The following UBE2W variants were observed in gnomAD, a reference collection of about 807,000 sequenced individuals.
The protein encoded by UBE2W is ubiquitin-conjugating enzyme E2 W.
Under a neutral mutation model 27.2 loss-of-function variants are expected in UBE2W, and 18 were observed. The observed-to-expected ratio is 0.66, with a 90% CI of 0.46 to 0.98. UBE2W has a LOEUF of 0.98. Ranked by LOEUF, UBE2W falls within the 50% of genes least tolerant of loss-of-function variation. The probability of loss-of-function intolerance (pLI) is 0.00; values close to 1 mark genes in which losing one functional copy is unlikely to be tolerated. For missense variants in UBE2W, 90 were observed against 180.2 expected (o/e 0.50, Z 2.87); for synonymous variants, 53 against 57.2 (o/e 0.93, Z 0.33).
chr8:73,826,821 G>A (rs1015637027), intron 2 of UBE2W, among the ~76,000 whole-genome samples: 2 of 152,146 alleles, frequency 1.3e-5, no homozygotes, highest in Admixed American at 1.3e-4. Flanking sequence ...AGTGTTGTTG[G>A]AAAGATAAAT....
Position 73,793,637 on chromosome 8 carries a change from C to T in UBE2W, c.*465G>A. 1 of 986,656 alleles carries T rather than the reference C, an allele frequency of 1.0e-6. No individual in the cohort carries two copies. The highest frequency in any genetic ancestry group is 1.2e-6 in the Non-Finnish European group (1 of 830,580). The allele number at this position is 986,656 out of a possible 1,614,324, so 61.1% of individuals were successfully genotyped here. A position where few individuals can be genotyped will look rare whatever the true frequency, so the allele number is the denominator to read the frequency against. On this transcript the variant is annotated 3_prime_UTR_variant, in exon 6 of 6. Transcript: ENST00000602593. ...TTTTAAAGTAATGTTGGATCCCTCA[C>T]TTTATTTATATTCCCACTATAACCA... is the stretch of plus-strand genomic sequence containing the variant.
intron 5 of UBE2W, among the ~76,000 whole-genome samples, chr8:73,804,498 T>G (rs990484907): frequency 6.6e-6 from 1 of 151,694 alleles, no homozygotes; most frequent in African/African-American, 2.4e-5. Context: ...ACAAATACAA[T>G]AGAAATTTAA....
chr8:73,843,945 C>T (rs559415490), intron 1 of UBE2W, among the ~76,000 whole-genome samples: 25 of 152,056 alleles, frequency 1.6e-4, no homozygotes, highest in East Asian at 7.7e-4. Context: ...GTCAAGACTG[C>T]GCAACTGCAC....
chr8:73,863,812 G>A (rs1234678699), intron 1 of UBE2W, among the ~76,000 whole-genome samples: 2 of 151,976 alleles, frequency 1.3e-5, no homozygotes, highest in Non-Finnish European at 2.9e-5. Flanking sequence ...GCATTCCAGA[G>A]CAATTAAATC....
intron 4 of UBE2W, 70 bp downstream of exon 4, chr8:73,810,404 C>A: frequency 1.5e-6 from 2 of 1,353,484 alleles, no homozygotes; most frequent in South Asian, 1.4e-5. Flanking sequence ...AAAATAATTA[C>A]ATATTAAAAT....
Position 73,789,002 on chromosome 8 carries a change from G to A in UBE2W, c.*5100C>T. Reference sequence around the variant, plus strand: ...AAAATAGTCATTTAATCATTCTAGAGACTCATCACAAAATACAAGTCACAA... The same window carrying A: ...AAAATAGTCATTTAATCATTCTAGAAACTCATCACAAAATACAAGTCACAA... On this transcript the variant is annotated 3_prime_UTR_variant, in exon 6 of 6. Coordinates refer to ENST00000602593, the MANE Select transcript of UBE2W (RefSeq NM_018299.6). The A allele has an allele frequency of 1.0e-6, 1 of 982,142 alleles. No individual in the cohort carries two copies. Among genetic ancestry groups the A allele is most frequent in the Non-Finnish European group, 1.2e-6 (1 of 827,704 alleles). 60.8% of individuals were successfully genotyped at this position (982,142 alleles called of 1,614,324 possible). A position where few individuals can be genotyped will look rare whatever the true frequency, so the allele number is the denominator to read the frequency against.
intron 3 of UBE2W, among the ~76,000 whole-genome samples, chr8:73,821,186 T>A (rs1044672522): frequency 1.2e-4 from 18 of 152,184 alleles, no homozygotes; most frequent in African/African-American, 4.3e-4. Flanking sequence ...GACTGTCCTA[T>A]AAACTAGGTA....
intron 1 of UBE2W, among the ~76,000 whole-genome samples, chr8:73,877,716 T>G (rs1586561426): frequency 6.6e-6 from 1 of 152,184 alleles, no homozygotes. Flanking sequence ...ACACTCCTAT[T>G]GAGCGTTCTA....
In UBE2W at chr8:73,788,109, T is replaced by C. The variant is rs1808037729; in HGVS notation, c.*5993A>G. The stretch of plus-strand genomic sequence containing the variant: ...GGTCTGGTATCTATCCCATTTAGTA[T>C]TCAAGTCTACAGAAAAAATCCAATA... On this transcript the variant is annotated 3_prime_UTR_variant, in exon 6 of 6. Coordinates refer to ENST00000602593, the MANE Select transcript of UBE2W (RefSeq NM_018299.6). 1.0e-6 allele frequency: 1 copy of C among 984,128 alleles called. No homozygotes were observed. The highest frequency in any genetic ancestry group is 1.2e-6 in the Non-Finnish European group (1 of 828,748). The allele number at this position is 984,128 out of a possible 1,614,324, so 61.0% of individuals were successfully genotyped here.
At chr8:73,820,553 A>G (rs558645021) in intron 3 of UBE2W, among the ~76,000 whole-genome samples, 29 of 152,040 alleles carry the variant, frequency 1.9e-4, no homozygotes, top group Admixed American at 4.6e-4. Context: ...CTGGACCAAC[A>G]TGGTGAAACC....
chr8:73,874,452 T>G (rs531818134), intron 1 of UBE2W, among the ~76,000 whole-genome samples: 1 of 151,904 alleles, frequency 6.6e-6, no homozygotes, highest in East Asian at 2.0e-4. Context: ...TAAAATAAAA[T>G]TTTAAAAAAG....
At chr8:73,813,436 C>A (rs1809258164) in intron 3 of UBE2W, among the ~76,000 whole-genome samples, 1 of 152,168 alleles carries the variant, frequency 6.6e-6, no homozygotes, top group African/African-American at 2.4e-5. Flanking sequence ...TAGAAGAGGA[C>A]TGAGATAAAA....
At chr8:73,858,593 T>C (rs534734743) in intron 1 of UBE2W, among the ~76,000 whole-genome samples, 2 of 149,788 alleles carry the variant, frequency 1.3e-5, no homozygotes, top group Admixed American at 1.3e-4. Flanking sequence ...CATGAAGATT[T>C]AAAATAATTT....
chr8:73,792,780 CCT>C lies in UBE2W; in HGVS notation c.*1320_*1321del. The C allele has an allele frequency of 1.0e-6, 1 of 985,502 alleles. No homozygotes were observed. Among genetic ancestry groups the C allele is most frequent in the Non-Finnish European group, 1.2e-6 (1 of 829,786 alleles). 61.0% of individuals were successfully genotyped at this position (985,502 alleles called of 1,614,324 possible). A position where few individuals can be genotyped will look rare whatever the true frequency, so the allele number is the denominator to read the frequency against. On this transcript the variant is annotated 3_prime_UTR_variant, in exon 6 of 6. Transcript: ENST00000602593. Reference sequence around the variant, plus strand: ...AACTCACATGGTACTGAGAACTGGACCTTTCAACAATTTTTTTTTTCTATAGA... The same window carrying C: ...AACTCACATGGTACTGAGAACTGGACTTCAACAATTTTTTTTTTCTATAGA...
chr8:73,819,902 G>A (rs1001057899), intron 3 of UBE2W, among the ~76,000 whole-genome samples: 2 of 152,190 alleles, frequency 1.3e-5, no homozygotes, highest in Admixed American at 1.3e-4. Flanking sequence ...ATCTATTCTA[G>A]AAATATTTTC....
chr8:73,869,519 C>T (rs970757136), intron 1 of UBE2W, among the ~76,000 whole-genome samples: 11 of 152,104 alleles, frequency 7.2e-5, no homozygotes, highest in Admixed American at 1.3e-4. Flanking sequence ...GGTGAAACCC[C>T]GTCTCTACTA....
intron 1 of UBE2W, among the ~76,000 whole-genome samples, chr8:73,850,121 T>C (rs1811009632): frequency 6.6e-6 from 1 of 152,004 alleles, no homozygotes; most frequent in Non-Finnish European, 1.5e-5. Flanking sequence ...AAGTCAAAAG[T>C]TAAGAATAGA....
chr8:73,800,469 C>A (rs111303362), intron 5 of UBE2W, among the ~76,000 whole-genome samples: 8,052 of 152,016 alleles, frequency 0.053, 686 homozygotes, highest in African/African-American at 0.18. Flanking sequence ...AATTTATGTA[C>A]CCAGGACTGG....
In UBE2W at chr8:73,791,029, C is replaced by A. The variant is rs1156591270; in HGVS notation, c.*3073G>T. 12 of 983,676 alleles carry A rather than the reference C, an allele frequency of 1.2e-5. No individual in the cohort carries two copies. The highest frequency in any genetic ancestry group is 1.7e-5 in the African/African-American group (1 of 57,182). The allele number at this position is 983,676 out of a possible 1,614,324, so 60.9% of individuals were successfully genotyped here. A position where few individuals can be genotyped will look rare whatever the true frequency, so the allele number is the denominator to read the frequency against. ...AGTCAAAACAACAAGGAATTAAGAT[C>A]TTTCTCCAGGTGAACTGCTGACTAT... On this transcript the variant is annotated 3_prime_UTR_variant, in exon 6 of 6. Transcript: ENST00000602593.
Sources: gnomAD v4.1 joint callset for allele counts (sites outside exome capture counted in the v4.1 genomes callset) on GRCh38, gnomAD v4.1.1 for gene constraint, MANE v1.5 for transcripts, NCBI Gene and HGNC (gene_info 2026-07-23, HGNC 2026-07-21) for gene names.